FNDC4: variants seen among roughly 807,000 people sequenced by gnomAD.
FNDC4 encodes the protein fibronectin type III domain containing 4, also known as fibronectin type III domain-containing protein 4.
Under a neutral mutation model 25.1 loss-of-function variants are expected in FNDC4, and 11 were observed. That is an observed-to-expected ratio of 0.44 (90% confidence interval 0.28 to 0.73). FNDC4 has a LOEUF of 0.73. FNDC4 is among the 30% of genes least tolerant of loss of function. FNDC4 has a pLI of 0.16. For missense variants in FNDC4, 250 were observed against 304.3 expected (o/e 0.82, Z 1.33); for synonymous variants, 136 against 118.8 (o/e 1.14, Z -0.94).
intron 5 of FNDC4, among the ~76,000 whole-genome samples, chr2:27,493,127 C>T (rs1388035017): frequency 6.6e-6 from 1 of 151,154 alleles, no homozygotes. Context: ...ATTCTTCTGC[C>T]TCAGCCTCCT....
In FNDC4 at chr2:27,494,038, C is replaced by T; in HGVS notation, c.346G>A (p.Val116Met). The T allele has an allele frequency of 1.2e-6, 2 of 1,614,242 alleles. No individual in the cohort carries two copies. Among genetic ancestry groups the T allele is most frequent in the South Asian group, 1.1e-5 (1 of 91,090 alleles). The change falls in exon 4 of 7, where the codon GTG becomes ATG. Residue 116 changes from valine (V) to methionine (M), a missense_variant. Physicochemically the swap from Val to Met is conservative, Grantham distance 21. Coordinates refer to ENST00000264703, the MANE Select transcript of FNDC4 (RefSeq NM_022823.3). The surrounding 1 kb of genome is among the most constrained non-coding windows in gnomAD (Gnocchi z 4.6). The part of the protein sequence containing the change: ...WGLAEDSDYT[V>M]QVRSIGLRGE... ...CGAAGGCCGATGCTCCTGACCTGCA[C>T]TGTGTAGTCACTGTCTTCAGCCAGG...
rs368394139 is a variant in FNDC4, at chr2:27,494,344, T to C, written c.249+7A>G. 602 of 1,606,968 alleles carry C rather than the reference T, an allele frequency of 3.7e-4. 11 individuals are homozygous for C. The South Asian group carries it at 6.3e-3, about 17-fold the overall frequency. On this transcript the variant is annotated splice_region_variant and intron_variant, in intron 3 of 6. Transcript: ENST00000264703. The surrounding 1 kb of genome is among the most constrained non-coding windows in gnomAD (Gnocchi z 4.6). ...ACAGGTTGGGGGAGCAGAAGGGTGA[T>C]TCATACTTGCTGGGAAATGGAGTAG...
Position 27,494,602 on chromosome 2 carries a change from A to G in FNDC4, c.78T>C (p.Tyr26=). Residue 26 remains tyrosine, a synonymous_variant, in exon 2 of 7, where the codon TAT becomes TAC. Coordinates refer to ENST00000264703, the MANE Select transcript of FNDC4 (RefSeq NM_022823.3). The surrounding 1 kb of genome is among the most constrained non-coding windows in gnomAD (Gnocchi z 4.6). ...CCAGCAGGAGGACCGTGGGGCTTAG[A>G]TATGGGGAAAGGGGCACCAGCGAAG... The part of the protein sequence containing the change: ...DMASLVPLSP[Y]LSPTVLLLVS... 1 of 1,611,862 alleles carries G rather than the reference A, an allele frequency of 6.2e-7. No individual in the cohort carries two copies. The highest frequency in any genetic ancestry group is 1.1e-5 in the South Asian group (1 of 90,710).
At position 27,494,653 on chromosome 2, in the gene FNDC4, G is replaced by C; in HGVS notation, c.27C>G (p.Pro9=). 1 of 1,582,272 alleles carries C rather than the reference G, an allele frequency of 6.3e-7. No individual in the cohort carries two copies. The highest frequency in any genetic ancestry group is 1.4e-5 in the African/African-American group (1 of 73,496). MPSGCHSS[P]PSGLRGDMAS... The stretch of plus-strand genomic sequence containing the variant: ...CCATGTCCCCACGGAGTCCGCTGGG[G>C]GGGGAACTGTGGCATCCGCTTGGCA... The change falls in exon 2 of 7, where the codon CCC becomes CCG. Residue 9 remains proline (P), a synonymous_variant. Transcript: ENST00000264703. The surrounding 1 kb of genome is among the most constrained non-coding windows in gnomAD (Gnocchi z 4.6).
chr2:27,494,662 G>GTGGCATCCGCT lies in FNDC4; in HGVS notation c.7_17dup (p.His6GlnfsTer26). 6.4e-7 allele frequency: 1 copy of GTGGCATCCGCT among 1,566,264 alleles called. No homozygotes were observed. The highest frequency in any genetic ancestry group is 8.6e-7 in the Non-Finnish European group (1 of 1,158,934). On this transcript the variant is annotated frameshift_variant, in exon 2 of 7. Transcript: ENST00000264703. LOFTEE classifies it high-confidence loss of function. The surrounding 1 kb of genome is among the most constrained non-coding windows in gnomAD (Gnocchi z 4.6). The stretch of plus-strand genomic sequence containing the variant: ...CACGGAGTCCGCTGGGGGGGGAACT[G>GTGGCATCCGCT]TGGCATCCGCTTGGCATCCGCTTGA...
At position 27,492,402 on chromosome 2, in the gene FNDC4, C is replaced by A. The variant is rs1010857788; in HGVS notation, c.*41G>T. ...GCTCCCCCTGACCCCATCCCTATCC[C>A]CAGTTGTTAGTGCATCTCTCTTCTG... On this transcript the variant is annotated 3_prime_UTR_variant, in exon 7 of 7. Transcript: ENST00000264703. This position sits in a 1 kb window ranked among gnomAD's most constrained non-coding sequence, Gnocchi z 4.1. 1 of 1,613,596 alleles carries A rather than the reference C, an allele frequency of 6.2e-7. No homozygotes were observed. The highest frequency in any genetic ancestry group is 8.5e-7 in the Non-Finnish European group (1 of 1,179,634).
rs200221248 is a variant in FNDC4 at position 27,492,759 on chromosome 2, G to A, written c.576C>T (p.Asp192=). The stretch of plus-strand genomic sequence containing the variant: ...TGTTGGAGTCATTGTCCTTGATGAT[G>A]TCATACTGACGGCAGAACAGCCCAA... ...AVIGLFCRQY[D]IIKDNDSNNN... Residue 192 remains aspartate, a synonymous_variant, in exon 6 of 7, where the codon GAC becomes GAT. Transcript: ENST00000264703. This position sits in a 1 kb window ranked among gnomAD's most constrained non-coding sequence, Gnocchi z 4.1. The A allele has an allele frequency of 3.7e-6, 6 of 1,614,032 alleles. No homozygotes were observed. The Admixed American group carries it at 8.3e-5, about 22-fold the overall frequency.
chr2:27,492,396 C>T lies in FNDC4; in HGVS notation c.*47G>A, dbSNP rs144434071. On this transcript the variant is annotated 3_prime_UTR_variant, in exon 7 of 7. Transcript: ENST00000264703. This position sits in a 1 kb window ranked among gnomAD's most constrained non-coding sequence, Gnocchi z 4.1. ...TCTTGGGCTCCCCCTGACCCCATCC[C>T]TATCCCCAGTTGTTAGTGCATCTCT... 1.9e-6 allele frequency: 3 copies of T among 1,613,162 alleles called. No homozygotes were observed. Among genetic ancestry groups the T allele is most frequent in the Non-Finnish European group, 2.5e-6 (3 of 1,179,116 alleles).
intron 5 of FNDC4, among the ~76,000 whole-genome samples, chr2:27,493,005 CT>C (rs35996315): frequency 2.9e-3 from 316 of 107,156 alleles, no homozygotes; most frequent in African/African-American, 8.5e-3. Flanking sequence ...ATTTCTCTTA[CT>C]TTTTTTTTTT....
At position 27,494,742 on chromosome 2, in the gene FNDC4, C is replaced by T. The variant is rs1572855062; in HGVS notation, c.-24-39G>A. On this transcript the variant is annotated intron_variant, in intron 1 of 6. Coordinates refer to ENST00000264703, the MANE Select transcript of FNDC4 (RefSeq NM_022823.3). This position sits in a 1 kb window ranked among gnomAD's most constrained non-coding sequence, Gnocchi z 4.6. Reference sequence around the variant, plus strand: ...GAGTTGTGGGGGGTCAAGGACTGCCCAGAACGCACGGAGGTCGGGGGGCAG... The same window carrying T: ...GAGTTGTGGGGGGTCAAGGACTGCCTAGAACGCACGGAGGTCGGGGGGCAG... The T allele has an allele frequency of 1.6e-6, 2 of 1,278,570 alleles. No homozygotes were observed. Among genetic ancestry groups the T allele is most frequent in the East Asian group, 5.1e-5 (2 of 39,520 alleles). The allele number at this position is 1,278,570 out of a possible 1,614,324, so 79.2% of individuals were successfully genotyped here.
rs1238454982 is a variant in FNDC4, at chr2:27,494,518, G to C, written c.133+29C>G. ...TTTCACCCATTGACTAGCTGTGGTTGACCCTCAGCCCCGTTCCCCTTTACT... is the reference window on the plus strand; with the variant it reads ...TTTCACCCATTGACTAGCTGTGGTTCACCCTCAGCCCCGTTCCCCTTTACT... On this transcript the variant is annotated intron_variant, in intron 2 of 6. Coordinates refer to ENST00000264703, the MANE Select transcript of FNDC4 (RefSeq NM_022823.3). This position sits in a 1 kb window ranked among gnomAD's most constrained non-coding sequence, Gnocchi z 4.6. The C allele has an allele frequency of 6.2e-7, 1 of 1,612,554 alleles. No homozygotes were observed. The highest frequency in any genetic ancestry group is 8.5e-7 in the Non-Finnish European group (1 of 1,179,276).
chr2:27,494,425 T>G lies in FNDC4; in HGVS notation c.175A>C (p.Arg59=), dbSNP rs754113966. The G allele has an allele frequency of 3.7e-6, 6 of 1,614,090 alleles. No individual in the cohort carries two copies. The East Asian group carries it at 1.3e-4, about 36-fold the overall frequency. ...CAGGACACAGTGGCCGAGTTGGCTCTGAGGTGAGTGACCGTCACATTCACA... is the reference window on the plus strand; with the variant it reads ...CAGGACACAGTGGCCGAGTTGGCTCGGAGGTGAGTGACCGTCACATTCACA... ...SPVNVTVTHL[R]ANSATVSWDV... Residue 59 remains arginine, a synonymous_variant, in exon 3 of 7, where the codon AGA becomes CGA. Coordinates refer to ENST00000264703, the MANE Select transcript of FNDC4 (RefSeq NM_022823.3). This position sits in a 1 kb window ranked among gnomAD's most constrained non-coding sequence, Gnocchi z 4.6.
rs1041886154 is a variant in FNDC4 at position 27,493,287 on chromosome 2, C to T, written c.544+102G>A. 14 of 936,574 alleles carry T rather than the reference C, an allele frequency of 1.5e-5. 1 individual carries two copies. In the Admixed American group the frequency reaches 1.9e-4, roughly 13 times the overall value. 58.0% of individuals were successfully genotyped at this position (936,574 alleles called of 1,614,324 possible). ...TTGGCCTCCCAAAGTGCTGGGATTA[C>T]AGGCGTGAGCCACTGTATCTCTCAC... On this transcript the variant is annotated intron_variant, in intron 5 of 6. Coordinates refer to ENST00000264703, the MANE Select transcript of FNDC4 (RefSeq NM_022823.3).
intron 5 of FNDC4, among the ~76,000 whole-genome samples, chr2:27,493,158 G>A (rs964715142): frequency 2.0e-4 from 30 of 151,842 alleles, no homozygotes; most frequent in African/African-American, 5.1e-4. Flanking sequence ...GGTTACAGGC[G>A]CCCTCCACCA....
At position 27,494,435 on chromosome 2, in the gene FNDC4, GA is replaced by G; in HGVS notation, c.164del (p.Val55AlafsTer38). 6.2e-7 allele frequency: 1 copy of G among 1,614,200 alleles called. No homozygotes were observed. Among genetic ancestry groups the G allele is most frequent in the Non-Finnish European group, 8.5e-7 (1 of 1,180,032 alleles). On this transcript the variant is annotated frameshift_variant, in exon 3 of 7. Transcript: ENST00000264703. LOFTEE classifies it high-confidence loss of function. This position sits in a 1 kb window ranked among gnomAD's most constrained non-coding sequence, Gnocchi z 4.6. The part of the protein sequence containing the change: ...DRPPSPVNVT[V>X]THLRANSATV... Reference sequence around the variant, plus strand: ...TGGCCGAGTTGGCTCTGAGGTGAGTGACCGTCACATTCACAGGAGAGGGAGG... The same window carrying G: ...TGGCCGAGTTGGCTCTGAGGTGAGTGCCGTCACATTCACAGGAGAGGGAGG...
chr2:27,494,268 G>T lies in FNDC4; in HGVS notation c.249+83C>A. 7.1e-7 allele frequency: 1 copy of T among 1,415,772 alleles called. No individual in the cohort carries two copies. The highest frequency in any genetic ancestry group is 9.9e-7 in the Non-Finnish European group (1 of 1,010,976). The allele number at this position is 1,415,772 out of a possible 1,614,324, so 87.7% of individuals were successfully genotyped here. ...GGGCAGCCTGAGCCAGGATACGCCA[G>T]CTTCCAGATCCCCCCCACTTAAGTG... On this transcript the variant is annotated intron_variant, in intron 3 of 6. Transcript: ENST00000264703. This position sits in a 1 kb window ranked among gnomAD's most constrained non-coding sequence, Gnocchi z 4.6.
Position 27,492,532 on chromosome 2 carries a change from C to G in FNDC4, c.670-54G>C. On this transcript the variant is annotated intron_variant, in intron 6 of 6. Coordinates refer to ENST00000264703, the MANE Select transcript of FNDC4 (RefSeq NM_022823.3). The surrounding 1 kb of genome is among the most constrained non-coding windows in gnomAD (Gnocchi z 4.1). Reference sequence around the variant, plus strand: ...CTTCAGGAAGGTAATAGGTGCCACCCTTTCTCTCCAGCCTCCCCCATCCCA... The same window carrying G: ...CTTCAGGAAGGTAATAGGTGCCACCGTTTCTCTCCAGCCTCCCCCATCCCA... 6.3e-7 allele frequency: 1 copy of G among 1,596,068 alleles called. No homozygotes were observed. Among genetic ancestry groups the G allele is most frequent in the Non-Finnish European group, 8.6e-7 (1 of 1,163,646 alleles).
Position 27,492,829 on chromosome 2 carries a change from C to T in FNDC4, c.545-39G>A, listed in dbSNP as rs113560391. On this transcript the variant is annotated intron_variant, in intron 5 of 6. Transcript: ENST00000264703. This position sits in a 1 kb window ranked among gnomAD's most constrained non-coding sequence, Gnocchi z 4.1. The stretch of plus-strand genomic sequence containing the variant: ...CAGTCTGAGCCTTCATCTCCACTTC[C>T]CCCCTCATAGGGAGATACCTACGTA... The T allele has an allele frequency of 6.2e-7, 1 of 1,612,738 alleles. No homozygotes were observed. The highest frequency in any genetic ancestry group is 1.3e-5 in the African/African-American group (1 of 74,876).
Position 27,494,908 on chromosome 2 carries a change from C to CG in FNDC4, c.-56dup. On this transcript the variant is annotated 5_prime_UTR_variant, in exon 1 of 7. An upstream open reading frame in the 5' UTR loses its in-frame stop. Coordinates refer to ENST00000264703, the MANE Select transcript of FNDC4 (RefSeq NM_022823.3). This position sits in a 1 kb window ranked among gnomAD's most constrained non-coding sequence, Gnocchi z 4.6. ...CCGGTCCTCGCGGTTGGTCAGGCCT[C>CG]GGGGGGCTGCTCGGTGCCCAGAGGG... is the stretch of plus-strand genomic sequence containing the variant. 2.2e-6 allele frequency: 1 copy of CG among 452,982 alleles called. No homozygotes were observed. 28.1% of individuals were successfully genotyped at this position (452,982 alleles called of 1,614,324 possible).
Sources: gnomAD v4.1 joint callset for allele counts (sites outside exome capture counted in the v4.1 genomes callset) on GRCh38, gnomAD v4.1.1 for gene constraint, Gnocchi (gnomAD v3.1) non-coding constraint, MANE v1.5 for transcripts, NCBI Gene and HGNC (gene_info 2026-07-23, HGNC 2026-07-21) for gene names.